Variants in OLFML2A observed in about 807,000 individuals in gnomAD.
The protein encoded by OLFML2A is olfactomedin-like protein 2A.
In OLFML2A, 47 loss-of-function variants were observed where a neutral mutation model predicts 60.9. The ratio of observed to expected loss-of-function variants is 0.77; its 90% CI spans 0.61 to 0.98. OLFML2A has a LOEUF of 0.98. Ranked by LOEUF, OLFML2A falls within the 50% of genes least tolerant of loss-of-function variation. The pLI is 0.00. For missense variants in OLFML2A, 922 were observed against 879.8 expected (o/e 1.05, Z -0.61); for synonymous variants, 372 against 375.0 (o/e 0.99, Z 0.09).
intron 7 of OLFML2A, 75 bp from the exon 8 acceptor site, chr9:124,809,733 C>G: frequency 6.6e-7 from 1 of 1,522,916 alleles, no homozygotes; most frequent in Non-Finnish European, 8.8e-7. Context: ...ACTGAGAGCC[C>G]TTGGTGGGCT....
chr9:124,787,089 G>A lies in OLFML2A; in HGVS notation c.205G>A (p.Ala69Thr). Residue 69 changes from alanine (A) to threonine (T), a missense_variant, in exon 2 of 8, where the codon GCA becomes ACA. Coordinates refer to ENST00000373580, the MANE Select transcript of OLFML2A (RefSeq NM_182487.4). Reference protein sequence around the residue: ...DACSRVRSGRARVEDFYTVET... With the variant: ...DACSRVRSGRTRVEDFYTVET... ...GTGTAGCCGAGTGCGCAGTGGGCGG[G>A]CACGCGTGGAGGACTTCTACACGGT... The A allele has an allele frequency of 6.2e-7, 1 of 1,614,130 alleles. No individual in the cohort carries two copies. The highest frequency in any genetic ancestry group is 8.5e-7 in the Non-Finnish European group (1 of 1,180,038).
intron 1 of OLFML2A, chr9:124,778,845 A>G (rs1165603120): frequency 1.0e-5 from 3 of 293,996 alleles, no homozygotes; most frequent in Non-Finnish European, 1.5e-5. Context: ...CCTTGGGGAG[A>G]GTGAGGAGCA....
chr9:124,785,390 C>CTTTTTTTT (rs1171618111), intron 1 of OLFML2A, among the ~76,000 whole-genome samples: 88 of 62,236 alleles, frequency 1.4e-3, no homozygotes, highest in Admixed American at 1.9e-3. Flanking sequence ...CATTTTCTTT[C>CTTTTTTTT]TTTTTTTTTT....
At chr9:124,786,942 A>T in intron 1 of OLFML2A, 33 bp from the exon 2 acceptor site, 1 of 1,588,444 alleles carries the variant, frequency 6.3e-7, no homozygotes, top group Non-Finnish European at 8.6e-7. Context: ...CCTAGCAGCA[A>T]CTCACTGGAG....
chr9:124,785,338 T>C (rs1025948007), intron 1 of OLFML2A, among the ~76,000 whole-genome samples: 5 of 151,634 alleles, frequency 3.3e-5, no homozygotes, highest in African/African-American at 9.7e-5. Context: ...CTGTGAATAA[T>C]GCTGCTATGG....
intron 1 of OLFML2A, among the ~76,000 whole-genome samples, chr9:124,778,105 A>G (rs1171696007): frequency 2.0e-5 from 3 of 152,110 alleles, no homozygotes; most frequent in Non-Finnish European, 4.4e-5. Context: ...CACGCCTGTA[A>G]TCCCAGCACT....
chr9:124,785,043 TC>T (rs1841435850), intron 1 of OLFML2A, among the ~76,000 whole-genome samples: 1 of 137,440 alleles, frequency 7.3e-6, no homozygotes, highest in Non-Finnish European at 1.5e-5. Context: ...AGGCTTGACC[TC>T]CCAGGCTCAA....
At chr9:124,806,149 A>T (rs1382659256) in intron 6 of OLFML2A, among the ~76,000 whole-genome samples, 1 of 152,044 alleles carries the variant, frequency 6.6e-6, no homozygotes, top group East Asian at 1.9e-4. Context: ...TTTTTATCTT[A>T]TAAGAGTTTA....
chr9:124,805,747 T>C (rs1841881773), intron 6 of OLFML2A, among the ~76,000 whole-genome samples: 1 of 151,474 alleles, frequency 6.6e-6, no homozygotes, highest in South Asian at 2.1e-4. Flanking sequence ...AACCACCTGT[T>C]CCCCAAAAAC....
intron 2 of OLFML2A, among the ~76,000 whole-genome samples, chr9:124,790,151 G>C (rs1451930064): frequency 6.6e-6 from 1 of 152,110 alleles, no homozygotes; most frequent in Admixed American, 6.5e-5. Context: ...AGATCATATA[G>C]CAAGAAAGTG....
chr9:124,778,754 G>A (rs1052001767), intron 1 of OLFML2A, among the ~76,000 whole-genome samples: 16 of 151,868 alleles, frequency 1.1e-4, no homozygotes, highest in African/African-American at 3.1e-4. Context: ...TGGAGATTGC[G>A]CCAGTGCACT....
At chr9:124,794,751 A>T (rs987967501) in intron 2 of OLFML2A, among the ~76,000 whole-genome samples, 2 of 152,050 alleles carry the variant, frequency 1.3e-5, no homozygotes, top group Non-Finnish European at 2.9e-5. Flanking sequence ...CCTCCCAAGT[A>T]GCTGGGACTA....
chr9:124,806,670 G>A (rs967589815), intron 6 of OLFML2A, among the ~76,000 whole-genome samples: 9 of 151,338 alleles, frequency 5.9e-5, no homozygotes, highest in Non-Finnish European at 1.3e-4. Flanking sequence ...CACCCGGCTG[G>A]AGTGCAATTG....
intron 3 of OLFML2A, among the ~76,000 whole-genome samples, chr9:124,797,910 T>TGTAG (rs1841697989): frequency 6.6e-6 from 1 of 152,052 alleles, no homozygotes; most frequent in Non-Finnish European, 1.5e-5. Flanking sequence ...ATCCAGGAGC[T>TGTAG]GGTGTGGGAG....
intron 5 of OLFML2A, among the ~76,000 whole-genome samples, chr9:124,803,259 CCTTT>C (rs757467033): frequency 7.2e-5 from 11 of 151,778 alleles, no homozygotes; most frequent in Admixed American, 1.3e-4. Flanking sequence ...TTCCTTCCTT[CCTTT>C]CTTTCTTTTT....
chr9:124,791,181 G>C lies in OLFML2A; in HGVS notation c.355-3843G>C, dbSNP rs117422002. On this transcript the variant is annotated intron_variant, in intron 2 of 7. Coordinates refer to ENST00000373580, the MANE Select transcript of OLFML2A (RefSeq NM_182487.4). Reference sequence around the variant, plus strand: ...AGGGACTGTGGGAGCCCCAAGGAGGGGATAGAAGGATAGAGCTGGGCCTTG... The same window carrying C: ...AGGGACTGTGGGAGCCCCAAGGAGGCGATAGAAGGATAGAGCTGGGCCTTG... 6.8e-3 allele frequency among the ~76,000 whole-genome samples: 1,035 copies of C among 152,290 alleles called. 18 individuals carry two copies. The highest frequency in any genetic ancestry group is 0.031 in the East Asian group (161 of 5,160).
rs1055316140 is a variant in OLFML2A, at chr9:124,814,295, T to A, written c.*3883T>A. 1.3e-5 allele frequency: 2 copies of A among 152,502 alleles called. No individual in the cohort carries two copies. Among genetic ancestry groups the A allele is most frequent in the Non-Finnish European group, 2.9e-5 (2 of 68,244 alleles). The allele number at this position is 152,502 out of a possible 1,614,324, so 9.4% of individuals were successfully genotyped here. ...TGGATGGCTGGCAGAGAGCCCTGGC[T>A]GGGAGTTAGGGAGCCCTGGGTTGGA... On this transcript the variant is annotated 3_prime_UTR_variant, in exon 8 of 8. Transcript: ENST00000373580.
Position 124,807,951 on chromosome 9 carries a change from G to A in OLFML2A, c.1339G>A (p.Glu447Lys), listed in dbSNP as rs966699078. 3.1e-6 allele frequency: 5 copies of A among 1,613,906 alleles called. No homozygotes were observed. Among genetic ancestry groups the A allele is most frequent in the African/African-American group, 1.3e-5 (1 of 74,946 alleles). Residue 447 changes from glutamate to lysine, a missense_variant, in exon 7 of 8, where the codon GAA becomes AAA. Glu to Lys is a moderately conservative substitution (Grantham distance 56). Transcript: ENST00000373580. ...CAGCCTGGTGGAGTTCCGCAACCTG[G>A]AAAACTTCAAGCAAGGTCAGGGACC... ...GNSLVEFRNL[E>K]NFKQGRWSNM...
Position 124,810,179 on chromosome 9 carries a change from G to C in OLFML2A, c.1726G>C (p.Gly576Arg), listed in dbSNP as rs770069153. 6.2e-7 allele frequency: 1 copy of C among 1,613,916 alleles called. No individual in the cohort carries two copies. The highest frequency in any genetic ancestry group is 8.5e-7 in the Non-Finnish European group (1 of 1,180,030). The part of the protein sequence containing the change: ...WKTRLRRNSY[G>R]NCFLVCGILY... ...GACACGGCTGCGGCGGAACTCCTAC[G>C]GGAACTGCTTCCTGGTGTGCGGCAT... is the stretch of plus-strand genomic sequence containing the variant. Residue 576 changes from glycine to arginine, a missense_variant, in exon 8 of 8, where the codon GGG becomes CGG. By Grantham distance (125) the Gly-to-Arg change is moderately radical. Coordinates refer to ENST00000373580, the MANE Select transcript of OLFML2A (RefSeq NM_182487.4).
Sources: allele counts gnomAD v4.1 joint callset (sites outside exome capture counted in the v4.1 genomes callset), GRCh38; gene constraint gnomAD v4.1.1; transcripts MANE v1.5; gene names NCBI Gene and HGNC (gene_info 2026-07-23, HGNC 2026-07-21).